The following ELAVL2 variants were observed in gnomAD, a reference collection of about 807,000 sequenced individuals.
The protein encoded by ELAVL2 is ELAV like RNA binding protein 2, also known as ELAV-like protein 2.
Under a neutral mutation model 34.6 loss-of-function variants are expected in ELAVL2, and 4 were observed. The ratio of observed to expected loss-of-function variants is 0.12; its 90% confidence interval spans 0.06 to 0.26. ELAVL2 has a LOEUF of 0.26. ELAVL2 is among the 10% of genes least tolerant of loss of function. The probability of loss-of-function intolerance (pLI) is 1.00; values close to 1 mark genes in which losing one functional copy is unlikely to be tolerated. For synonymous variants in ELAVL2, 193 were observed against 154.8 expected (o/e 1.25, Z -1.83); for missense variants, 432 against 442.8 (o/e 0.98, Z 0.22).
chr9:23,782,065 C>G (rs755058848), intron 1 of ELAVL2, among the ~76,000 whole-genome samples: 1 of 152,094 alleles, frequency 6.6e-6, no homozygotes, highest in Non-Finnish European at 1.5e-5. Flanking sequence ...AAAGGATCCT[C>G]CCACCTCAGC....
chr9:23,759,785 T>A (rs2054525778), intron 2 of ELAVL2, among the ~76,000 whole-genome samples: 1 of 116,976 alleles, frequency 8.5e-6, no homozygotes, highest in Non-Finnish European at 1.8e-5. Context: ...TATATATATA[T>A]ATATAATGTA....
intron 1 of ELAVL2, among the ~76,000 whole-genome samples, chr9:23,791,535 A>C (rs1276187159): frequency 1.3e-5 from 2 of 152,120 alleles, no homozygotes; most frequent in Non-Finnish European, 2.9e-5. Context: ...TCTGTTTTTC[A>C]CTCTATTTCC....
chr9:23,753,128 T>C (rs1467211944), intron 2 of ELAVL2, among the ~76,000 whole-genome samples: 3 of 152,200 alleles, frequency 2.0e-5, no homozygotes, highest in African/African-American at 4.8e-5. Flanking sequence ...TAAGCCACTG[T>C]ATAGACCTGA....
At chr9:23,749,774 A>G (rs915301973) in intron 2 of ELAVL2, among the ~76,000 whole-genome samples, 1 of 152,112 alleles carries the variant, frequency 6.6e-6, no homozygotes, top group Non-Finnish European at 1.5e-5. Flanking sequence ...GCTTTCAGAA[A>G]AGGCTTCTCC....
At chr9:23,760,412 C>A (rs1005635639) in intron 2 of ELAVL2, among the ~76,000 whole-genome samples, 1 of 151,942 alleles carries the variant, frequency 6.6e-6, no homozygotes, top group Non-Finnish European at 1.5e-5. Flanking sequence ...GCCCTCAAGT[C>A]ATTTATCATA....
At chr9:23,761,956 T>C in intron 2 of ELAVL2, 50 bp downstream of exon 2, 2 of 1,542,088 alleles carry the variant, frequency 1.3e-6, no homozygotes, top group Non-Finnish European at 8.7e-7. Context: ...TTTTCTCCTA[T>C]CTTGAGACAC....
At chr9:23,821,061 G>A (rs1278627266) in intron 1 of ELAVL2, among the ~76,000 whole-genome samples, 2 of 152,184 alleles carry the variant, frequency 1.3e-5, no homozygotes, top group South Asian at 2.1e-4. Flanking sequence ...CCGCGCGCGC[G>A]AAGGCGCCGT....
chr9:23,706,909 T>G (rs1224159851), intron 3 of ELAVL2, among the ~76,000 whole-genome samples: 2 of 152,164 alleles, frequency 1.3e-5, no homozygotes, highest in African/African-American at 4.8e-5. Flanking sequence ...CTCGTTATCT[T>G]TCACACCCCT....
chr9:23,795,887 C>T (rs1367130114), intron 1 of ELAVL2, among the ~76,000 whole-genome samples: 1 of 152,148 alleles, frequency 6.6e-6, no homozygotes, highest in Non-Finnish European at 1.5e-5. Context: ...TTAATATTGA[C>T]TCCTCTTCAC....
In ELAVL2 at chr9:23,748,252, G is replaced by A. The variant is rs985304347; in HGVS notation, c.229+13754C>T. Among the ~76,000 whole-genome samples, 2 of 152,048 alleles carry A rather than the reference G, an allele frequency of 1.3e-5. 1 individual carries two copies. Among genetic ancestry groups the A allele is most frequent in the African/African-American group, 4.8e-5 (2 of 41,426 alleles). On this transcript the variant is annotated intron_variant, in intron 2 of 6. Transcript: ENST00000397312. ...TACAGAAGAGAATTTCTAACTCGTC[G>A]CTCTTTGACTCTGATTGAGGAATGG...
Position 23,789,444 on chromosome 9 carries a change from G to T in ELAVL2, c.-15-27195C>A, listed in dbSNP as rs17484347. On this transcript the variant is annotated intron_variant, in intron 1 of 6. Transcript: ENST00000397312. ...CATATGTGTCCTCAACTGAATTCTT[G>T]AGGCATAGTATTGAGGAAACAGTTC... Among the ~76,000 whole-genome samples the T allele has an allele frequency of 8.2e-3, 1,244 of 152,242 alleles. 13 individuals are homozygous for T. The highest frequency in any genetic ancestry group is 0.02 in the South Asian group (98 of 4,816).
chr9:23,718,341 T>C (rs188672063), intron 3 of ELAVL2, among the ~76,000 whole-genome samples: 69 of 152,260 alleles, frequency 4.5e-4, no homozygotes, highest in Admixed American at 2.5e-3. Context: ...ATTTAGTGTT[T>C]TGGGCCCTGA....
intron 1 of ELAVL2, among the ~76,000 whole-genome samples, chr9:23,822,369 G>T (rs1588863230): frequency 6.6e-6 from 1 of 152,030 alleles, no homozygotes; most frequent in Admixed American, 6.6e-5. Flanking sequence ...GTACCTGTGC[G>T]GGGTGCTGTA....
intron 1 of ELAVL2, among the ~76,000 whole-genome samples, chr9:23,789,138 TG>T (rs2060046733): frequency 6.6e-6 from 1 of 152,136 alleles, no homozygotes; most frequent in South Asian, 2.1e-4. Flanking sequence ...ACTCAGTAAA[TG>T]GGGAATAGAA....
chr9:23,717,693 T>C (rs1441591016), intron 3 of ELAVL2, among the ~76,000 whole-genome samples: 1 of 152,196 alleles, frequency 6.6e-6, no homozygotes, highest in Non-Finnish European at 1.5e-5. Context: ...TCCATTTTCA[T>C]TGTATTCTGC....
At chr9:23,719,523 C>A (rs1185391448) in intron 3 of ELAVL2, among the ~76,000 whole-genome samples, 3 of 152,134 alleles carry the variant, frequency 2.0e-5, no homozygotes, top group Non-Finnish European at 4.4e-5. Flanking sequence ...CAACTCTGAG[C>A]AGGGGGAAAA....
At chr9:23,812,089 T>A (rs1238604856) in intron 1 of ELAVL2, among the ~76,000 whole-genome samples, 1 of 152,140 alleles carries the variant, frequency 6.6e-6, no homozygotes, top group Non-Finnish European at 1.5e-5. Context: ...GCACTCAGTT[T>A]CTACTATTAA....
At chr9:23,770,027 C>T (rs1394757484) in intron 1 of ELAVL2, among the ~76,000 whole-genome samples, 2 of 152,192 alleles carry the variant, frequency 1.3e-5, no homozygotes, top group South Asian at 2.1e-4. Flanking sequence ...GCTTAAGTTT[C>T]ATGTTTTGTT....
At chr9:23,724,014 T>G (rs1303622011) in intron 3 of ELAVL2, among the ~76,000 whole-genome samples, 10 of 152,216 alleles carry the variant, frequency 6.6e-5, no homozygotes. Context: ...GAGGTCTTCA[T>G]AAAACCTGAC....
Sources: allele counts gnomAD v4.1 joint callset (sites outside exome capture counted in the v4.1 genomes callset), GRCh38; gene constraint gnomAD v4.1.1; transcripts MANE v1.5; gene names NCBI Gene and HGNC (gene_info 2026-07-23, HGNC 2026-07-21).